Variants in DYNC1I1 observed in about 807,000 individuals in gnomAD.
DYNC1I1 encodes cytoplasmic dynein 1 intermediate chain 1.
In DYNC1I1, 43 loss-of-function variants were observed where a neutral mutation model predicts 86.6. The observed-to-expected ratio is 0.50, with a 90% CI of 0.39 to 0.64. The LOEUF (loss-of-function observed/expected upper bound fraction) is 0.64. DYNC1I1 is among the 30% of genes least tolerant of loss of function. The probability of loss-of-function intolerance (pLI) is 0.00; values close to 1 mark genes in which losing one functional copy is unlikely to be tolerated. For synonymous variants in DYNC1I1, 262 were observed against 283.7 expected, an observed-to-expected ratio of 0.92 and a Z score of 0.77; for missense variants, 604 against 788.8, an observed-to-expected ratio of 0.77 and a Z score of 2.81.
intron 6 of DYNC1I1, among the ~76,000 whole-genome samples, chr7:95,891,907 T>G (rs1321237454): frequency 6.6e-6 from 1 of 152,064 alleles, no homozygotes; most frequent in African/African-American, 2.4e-5. Flanking sequence ...TATCCTATAG[T>G]GGTTATTGTC....
At position 95,804,482 on chromosome 7, in the gene DYNC1I1, C is replaced by A. The variant is rs909472711; in HGVS notation, c.-9-239C>A. 46 of 877,962 alleles carry A rather than the reference C, an allele frequency of 5.2e-5. No individual in the cohort carries two copies. The Admixed American group carries it at 1.5e-3, about 28-fold the overall frequency. 54.4% of individuals were successfully genotyped at this position (877,962 alleles called of 1,614,324 possible). A position where few individuals can be genotyped will look rare whatever the true frequency, so the allele number is the denominator to read the frequency against. ...GATTCTTGCTTAGGCCACATAATAA[C>A]CTTGTATTTCTTCAGATATTTATGT... On this transcript the variant is annotated intron_variant, in intron 1 of 16. Coordinates refer to ENST00000447467, the MANE Select transcript of DYNC1I1 (RefSeq NM_001135556.2).
At chr7:96,103,248 C>T (rs1791163301), downstream of DYNC1I1, among the ~76,000 whole-genome samples, 1 of 152,160 alleles carries the variant, frequency 6.6e-6, no homozygotes, top group Non-Finnish European at 1.5e-5. Context: ...TTACAGCTAG[C>T]TACTTTATAC....
intron 11 of DYNC1I1, among the ~76,000 whole-genome samples, chr7:96,030,325 T>A (rs1388758917): frequency 6.8e-6 from 1 of 146,294 alleles, no homozygotes; most frequent in Non-Finnish European, 1.5e-5. Flanking sequence ...TCCTTAATGG[T>A]AGAGTTGTGT....
chr7:95,850,223 C>T (rs1380970345), intron 5 of DYNC1I1, among the ~76,000 whole-genome samples: 2 of 152,068 alleles, frequency 1.3e-5, no homozygotes, highest in African/African-American at 2.4e-5. Context: ...AATTGTTTTG[C>T]TAGGACTTCC....
intron 6 of DYNC1I1, among the ~76,000 whole-genome samples, chr7:95,895,495 T>C (rs1790858478): frequency 6.6e-6 from 1 of 152,152 alleles, no homozygotes; most frequent in Admixed American, 6.5e-5. Flanking sequence ...ACTATACTCC[T>C]CATCTCAAGT....
At chr7:95,828,896 T>A (rs1795261340) in intron 5 of DYNC1I1, among the ~76,000 whole-genome samples, 1 of 152,146 alleles carries the variant, frequency 6.6e-6, no homozygotes, top group Non-Finnish European at 1.5e-5. Flanking sequence ...TCAGGAGAGC[T>A]GATTGCGCAT....
chr7:95,973,884 TA>T (rs1214834682), intron 6 of DYNC1I1, among the ~76,000 whole-genome samples: 1 of 152,206 alleles, frequency 6.6e-6, no homozygotes, highest in African/African-American at 2.4e-5. Flanking sequence ...GTGCTCAAAC[TA>T]GATGGCTCTA....
intron 9 of DYNC1I1, 77 bp from the exon 10 acceptor site, chr7:95,995,871 C>A: frequency 2.0e-6 from 3 of 1,521,982 alleles, no homozygotes; most frequent in African/African-American, 1.4e-5. Context: ...TAGTATACCA[C>A]GTGTATGTAG....
intron 16 of DYNC1I1, among the ~76,000 whole-genome samples, chr7:96,107,208 T>G (rs966931666): frequency 6.6e-6 from 1 of 151,912 alleles, no homozygotes; most frequent in Non-Finnish European, 1.5e-5. Flanking sequence ...TGTATTATTT[T>G]TAGTAGAGAC....
chr7:95,812,745 T>C (rs1392926555), intron 3 of DYNC1I1, among the ~76,000 whole-genome samples: 6 of 152,212 alleles, frequency 3.9e-5, no homozygotes, highest in African/African-American at 1.2e-4. Flanking sequence ...ACAGAGTACA[T>C]TTCTCTCTCA....
chr7:95,979,958 C>T (rs1036788154), intron 7 of DYNC1I1, among the ~76,000 whole-genome samples: 19 of 152,252 alleles, frequency 1.2e-4, no homozygotes, highest in African/African-American at 4.3e-4. Context: ...TACTCCTTTA[C>T]CCTTTGCAAA....
chr7:95,793,859 G>A (rs541977157), intron 1 of DYNC1I1, among the ~76,000 whole-genome samples: 31 of 152,282 alleles, frequency 2.0e-4, no homozygotes, highest in African/African-American at 4.8e-4. Flanking sequence ...AAGAGCCACC[G>A]TGTGAGTTCC....
At chr7:95,915,898 T>A (rs1160198586) in intron 6 of DYNC1I1, among the ~76,000 whole-genome samples, 1 of 152,178 alleles carries the variant, frequency 6.6e-6, no homozygotes, top group African/African-American at 2.4e-5. Context: ...GCAGAGAAAG[T>A]GAAACTGCGC....
intron 4 of DYNC1I1, chr7:95,818,416 T>C: frequency 1.8e-6 from 1 of 561,498 alleles, no homozygotes; most frequent in Non-Finnish European, 3.2e-6. Context: ...ATTCTCCCAC[T>C]TCAGCTTCCT....
intron 15 of DYNC1I1, among the ~76,000 whole-genome samples, chr7:96,079,203 C>T (rs1475852507): frequency 6.6e-6 from 1 of 151,970 alleles, no homozygotes; most frequent in Non-Finnish European, 1.5e-5. Context: ...GGTTTCAATT[C>T]CCTGAATAAC....
At chr7:95,876,182 C>T (rs1049445436) in intron 6 of DYNC1I1, among the ~76,000 whole-genome samples, 1 of 151,584 alleles carries the variant, frequency 6.6e-6, no homozygotes. Context: ...TTTAACACTC[C>T]ACCTCTCCTA....
At chr7:95,808,131 T>C (rs956468311) in intron 2 of DYNC1I1, among the ~76,000 whole-genome samples, 7 of 152,162 alleles carry the variant, frequency 4.6e-5, no homozygotes, top group African/African-American at 1.7e-4. Flanking sequence ...CCATGGGATA[T>C]CGACTGGCCA....
At chr7:96,045,084 A>G (rs1159006350) in intron 14 of DYNC1I1, among the ~76,000 whole-genome samples, 1 of 152,240 alleles carries the variant, frequency 6.6e-6, no homozygotes, top group Non-Finnish European at 1.5e-5. Context: ...TTATAGGCTA[A>G]GGATGCTAAG....
intron 5 of DYNC1I1, among the ~76,000 whole-genome samples, chr7:95,869,006 T>G (rs1790089717): frequency 6.6e-6 from 1 of 152,180 alleles, no homozygotes; most frequent in African/African-American, 2.4e-5. Context: ...GAACCTTAGT[T>G]AGGAGTTCGA....
Sources: allele counts gnomAD v4.1 joint callset (sites outside exome capture counted in the v4.1 genomes callset), GRCh38; gene constraint gnomAD v4.1.1; transcripts MANE v1.5; gene names NCBI Gene and HGNC (gene_info 2026-07-23, HGNC 2026-07-21).